MTMR11: variants seen among roughly 807,000 people sequenced by gnomAD.
The protein encoded by MTMR11 is myotubularin related protein 11, also known as myotubularin-related protein 11.
In MTMR11, 89 loss-of-function variants were observed where a neutral mutation model predicts 100.0. The observed-to-expected ratio is 0.89, with a 90% CI of 0.75 to 1.06. The LOEUF is 1.06. MTMR11 is among the 50% of genes least tolerant of loss of function. The pLI is 0.00. For synonymous variants in MTMR11, 336 were observed against 326.3 expected, an observed-to-expected ratio of 1.03 and a Z score of -0.32; for missense variants, 809 against 873.7, an observed-to-expected ratio of 0.93 and a Z score of 0.93.
Position 149,929,254 on chromosome 1 carries a change from A to G in MTMR11, c.2005T>C (p.Leu669=). ...QDELSHLQEL[L]RKWTPRISPE... is the part of the protein sequence containing the mutation. ...GATATTCTTGGTGTCCATTTCCGTA[A>G]TAACTCCTGAAGATGGGATAGCTCA... Residue 669 remains leucine (L), a synonymous_variant, in exon 17 of 17, where the codon TTA becomes CTA. Coordinates refer to ENST00000439741, the MANE Select transcript of MTMR11 (RefSeq NM_001145862.2). The G allele has an allele frequency of 6.2e-7, 1 of 1,614,136 alleles. No homozygotes were observed. Among genetic ancestry groups the G allele is most frequent in the Non-Finnish European group, 8.5e-7 (1 of 1,180,018 alleles).
Position 149,929,714 on chromosome 1 carries a change from G to A in MTMR11, c.1850C>T (p.Pro617Leu), listed in dbSNP as rs1242578815. The A allele has an allele frequency of 1.2e-6, 2 of 1,614,084 alleles. No individual in the cohort carries two copies. Among genetic ancestry groups the A allele is most frequent in the African/African-American group, 1.3e-5 (1 of 74,922 alleles). ...WGLPSHWGAC[P>L]LPPGLLLPGY... is the part of the protein sequence containing the mutation. ...AGGCAGCAGCAGCCCTGGAGGTAAA[G>A]GGCAAGCTCCCCAATGTGAGGGGAG... The change falls in exon 16 of 17, where the codon CCT (proline) becomes CTT (leucine). Residue 617 changes from proline (P) to leucine (L), a missense_variant. Physicochemically the swap from Pro to Leu is moderately conservative, Grantham distance 98. Transcript: ENST00000439741.
Position 149,931,416 on chromosome 1 carries a change from A to G in MTMR11, c.1134T>C (p.Asp378=), listed in dbSNP as rs781927053. Reference sequence around the variant, plus strand: ...AAGAGAGGAGGCCATTGAGATCACGATCACCGCGCTCTGGGTGATAAAGAG... The same window carrying G: ...AAGAGAGGAGGCCATTGAGATCACGGTCACCGCGCTCTGGGTGATAAAGAG... The part of the protein sequence containing the change: ...VRSVILQERG[D]RDLNGLLSSL... The change falls in exon 13 of 17, where the codon GAT becomes GAC. Residue 378 remains aspartate (D), a synonymous_variant. Transcript: ENST00000439741. The G allele has an allele frequency of 1.2e-6, 2 of 1,603,458 alleles. No individual in the cohort carries two copies. Among genetic ancestry groups the G allele is most frequent in the Non-Finnish European group, 1.7e-6 (2 of 1,175,016 alleles).
intron 6 of MTMR11, 32 bp from the exon 7 acceptor site, chr1:149,934,358 G>A (rs1553768525): frequency 2.5e-6 from 4 of 1,613,786 alleles, no homozygotes; most frequent in African/African-American, 2.7e-5. Flanking sequence ...GAGGAGGAAG[G>A]AGAAAATCAG....
At chr1:149,934,417 C>A in intron 6 of MTMR11, 31 bp downstream of exon 6, 5 of 1,613,830 alleles carry the variant, frequency 3.1e-6, no homozygotes, top group Non-Finnish European at 4.2e-6. Flanking sequence ...CTTTTTCAGA[C>A]TCTTCCTTAC....
Position 149,932,373 on chromosome 1 carries a change from T to G in MTMR11, c.986-43A>C, listed in dbSNP as rs367954703. Reference sequence around the variant, plus strand: ...GATCAGAAGGGCAAGAGATTAGAACTCAGGATTCAGGATTCAGGTTGATAG... The same window carrying G: ...GATCAGAAGGGCAAGAGATTAGAACGCAGGATTCAGGATTCAGGTTGATAG... On this transcript the variant is annotated intron_variant, in intron 10 of 16. Transcript: ENST00000439741. 28 of 1,442,640 alleles carry G rather than the reference T, an allele frequency of 1.9e-5. No homozygotes were observed. The African/African-American group carries it at 3.6e-4, about 19-fold the overall frequency. The allele number at this position is 1,442,640 out of a possible 1,614,324, so 89.4% of individuals were successfully genotyped here. A position where few individuals can be genotyped will look rare whatever the true frequency, so the allele number is the denominator to read the frequency against.
In MTMR11 at chr1:149,929,094, A is replaced by T. The variant is rs782804574; in HGVS notation, c.*35T>A. ...AAGCTGAGGCTGCAAGTGCAGATACAAAAAAAAAAAAAAAAGATTAGACAG... is the reference window on the plus strand; with the variant it reads ...AAGCTGAGGCTGCAAGTGCAGATACTAAAAAAAAAAAAAAAGATTAGACAG... On this transcript the variant is annotated 3_prime_UTR_variant, in exon 17 of 17. Coordinates refer to ENST00000439741, the MANE Select transcript of MTMR11 (RefSeq NM_001145862.2). The T allele has an allele frequency of 1.1e-5, 2 of 175,836 alleles. No individual in the cohort carries two copies. The highest frequency in any genetic ancestry group is 6.7e-5 in the Admixed American group (1 of 15,034). The allele number at this position is 175,836 out of a possible 1,614,324, so 10.9% of individuals were successfully genotyped here. A position where few individuals can be genotyped will look rare whatever the true frequency, so the allele number is the denominator to read the frequency against.
intron 9 of MTMR11, 26 bp from the exon 10 acceptor site, chr1:149,933,556 A>G (rs1465613223): frequency 6.2e-7 from 1 of 1,614,042 alleles, no homozygotes. Flanking sequence ...TCAGGAAATA[A>G]GGAGTCTACC....
Position 149,931,550 on chromosome 1 carries a change from A to G in MTMR11, c.1124-124T>C, listed in dbSNP as rs587664270. On this transcript the variant is annotated intron_variant, in intron 12 of 16. Transcript: ENST00000439741. The stretch of plus-strand genomic sequence containing the variant: ...ACAGAGGGGAAAGGTTTGGGGTAGG[A>G]GGATTGAGAAAGCACATAGAAGTGA... 3.5e-6 allele frequency: 3 copies of G among 868,474 alleles called. No individual in the cohort carries two copies. The African/African-American group carries it at 5.1e-5, about 15-fold the overall frequency. 53.8% of individuals were successfully genotyped at this position (868,474 alleles called of 1,614,324 possible).
chr1:149,928,987 A>T lies in MTMR11; in HGVS notation c.*142T>A. On this transcript the variant is annotated 3_prime_UTR_variant, in exon 17 of 17. Transcript: ENST00000439741. ...GCAAAAATATTTGTAGAAACTAAGC[A>T]AGACAAGAGTTGGAGCAGTTAACAC... 1 of 1,610,794 alleles carries T rather than the reference A, an allele frequency of 6.2e-7. No individual in the cohort carries two copies. The highest frequency in any genetic ancestry group is 8.5e-7 in the Non-Finnish European group (1 of 1,178,214).
In MTMR11 at chr1:149,930,924, G is replaced by T; in HGVS notation, c.1332C>A (p.Leu444=). ...FLLFLDCVWQ[L]LQQFPADFEF... ...CAAAATCAGCTGGAAACTGCTGGAG[G>T]AGCTGCCAGACACAATCAAGGAAGA... is the stretch of plus-strand genomic sequence containing the variant. The change falls in exon 14 of 17, where the codon CTC becomes CTA. Residue 444 remains leucine, a synonymous_variant. Coordinates refer to ENST00000439741, the MANE Select transcript of MTMR11 (RefSeq NM_001145862.2). 6.2e-7 allele frequency: 1 copy of T among 1,612,394 alleles called. No individual in the cohort carries two copies. Among genetic ancestry groups the T allele is most frequent in the Non-Finnish European group, 8.5e-7 (1 of 1,179,470 alleles).
At chr1:149,934,017 T>G (rs1251085250) in intron 7 of MTMR11, 75 bp from the exon 8 acceptor site, 1 of 1,546,792 alleles carries the variant, frequency 6.5e-7, no homozygotes, top group Non-Finnish European at 8.9e-7. Context: ...ACAAGGAAGC[T>G]GCTTCAGAGG....
chr1:149,936,601 T>C lies in MTMR11; in HGVS notation c.47A>G (p.Lys16Arg), dbSNP rs1255700821. 3 of 1,540,396 alleles carry C rather than the reference T, an allele frequency of 1.9e-6. No homozygotes were observed. Among genetic ancestry groups the C allele is most frequent in the Non-Finnish European group, 2.6e-6 (3 of 1,137,670 alleles). The change falls in exon 1 of 17, where the codon AAG (lysine) becomes AGG (arginine). Residue 16 changes from lysine to arginine, a missense_variant. By Grantham distance (26) the Lys-to-Arg change is conservative (BLOSUM62 2). Coordinates refer to ENST00000439741, the MANE Select transcript of MTMR11 (RefSeq NM_001145862.2). ...RGQSFNIAPQ[K>R]EEPEMGSVQE... is the part of the protein sequence containing the mutation. ...CCTTACCCCCATCTCTGGCTCCTCC[T>C]TCTGGGGGGCAATGTTGAAACTCTG...
In MTMR11 at chr1:149,934,222, T is replaced by C; in HGVS notation, c.652A>G (p.Thr218Ala). ...GCTACGTCGAACCTCTCGTTGACCG[T>C]GCTGACCCTCCAGCCTCTGGCTGCC... ...KQAARGWRVS[T>A]VNERFDVATS... Residue 218 changes from threonine (T) to alanine (A), a missense_variant, in exon 7 of 17, where the codon ACG becomes GCG. Thr to Ala is a moderately conservative substitution (Grantham distance 58, BLOSUM62 0). Coordinates refer to ENST00000439741, the MANE Select transcript of MTMR11 (RefSeq NM_001145862.2). 3 of 1,614,154 alleles carry C rather than the reference T, an allele frequency of 1.9e-6. No homozygotes were observed. Among genetic ancestry groups the C allele is most frequent in the Non-Finnish European group, 2.5e-6 (3 of 1,180,034 alleles).
chr1:149,930,641 A>C (rs2092646104), intron 14 of MTMR11, 94 bp from the exon 15 acceptor site: 4 of 1,388,390 alleles, frequency 2.9e-6, no homozygotes, highest in Non-Finnish European at 3.9e-6. Flanking sequence ...TCTAGGAAAG[A>C]TGTAGGGCAA....
In MTMR11 at chr1:149,928,762, G is replaced by A; in HGVS notation, c.*367C>T. ...GCCTCATTCCCATAGAAAACTATAAGGGAAGAAATAGAACTTGGAATTAAA... is the reference window on the plus strand; with the variant it reads ...GCCTCATTCCCATAGAAAACTATAAAGGAAGAAATAGAACTTGGAATTAAA... On this transcript the variant is annotated 3_prime_UTR_variant, in exon 17 of 17. Coordinates refer to ENST00000439741, the MANE Select transcript of MTMR11 (RefSeq NM_001145862.2). The A allele has an allele frequency of 1.8e-6, 2 of 1,126,662 alleles. No homozygotes were observed. The highest frequency in any genetic ancestry group is 2.4e-5 in the East Asian group (1 of 42,276). The allele number at this position is 1,126,662 out of a possible 1,614,324, so 69.8% of individuals were successfully genotyped here. A position where few individuals can be genotyped will look rare whatever the true frequency, so the allele number is the denominator to read the frequency against.
chr1:149,933,116 T>TTG (rs1463514956), intron 10 of MTMR11, among the ~76,000 whole-genome samples: 9 of 151,240 alleles, frequency 6.0e-5, no homozygotes, highest in South Asian at 2.1e-4. Flanking sequence ...CCAGCTAATT[T>TTG]TGTGTGTGTG....
chr1:149,931,867 C>T, intron 12 of MTMR11, 77 bp downstream of exon 12: 2 of 1,311,836 alleles, frequency 1.5e-6, no homozygotes, highest in Non-Finnish European at 2.2e-6. Context: ...TTATGGGTCT[C>T]CCTCCCTGAA....
chr1:149,930,633 T>C, intron 14 of MTMR11, 86 bp from the exon 15 acceptor site: 1 of 1,410,262 alleles, frequency 7.1e-7, no homozygotes. Context: ...CCTCTTATTC[T>C]AGGAAAGATG....
At chr1:149,932,373 T>C in intron 10 of MTMR11, 43 bp from the exon 11 acceptor site, 1 of 1,442,758 alleles carries the variant, frequency 6.9e-7, no homozygotes, top group Non-Finnish European at 9.7e-7. Context: ...AGATTAGAAC[T>C]CAGGATTCAG....
Sources: gnomAD v4.1 joint callset for allele counts (sites outside exome capture counted in the v4.1 genomes callset) on GRCh38, gnomAD v4.1.1 for gene constraint, MANE v1.5 for transcripts, NCBI Gene and HGNC (gene_info 2026-07-23, HGNC 2026-07-21) for gene names.